The following MAST4 variants were observed in gnomAD, a reference collection of about 807,000 sequenced individuals.
MAST4 encodes microtubule-associated serine/threonine-protein kinase 4.
MAST4 carries 89 observed loss-of-function variants against 162.7 expected under a neutral mutation model. That is an observed-to-expected ratio of 0.55 (90% CI 0.46 to 0.65). The LOEUF is 0.65. MAST4 is among the 30% of genes least tolerant of loss of function. The pLI is 0.00. For missense variants in MAST4, 3,153 were observed against 3,374.0 expected (o/e 0.93, Z 1.62); for synonymous variants, 1,479 against 1,361.1 (o/e 1.09, Z -1.91).
chr5:66,967,642 T>C (rs1161220367), intron 4 of MAST4, among the ~76,000 whole-genome samples: 1 of 151,190 alleles, frequency 6.6e-6, no homozygotes, highest in Non-Finnish European at 1.5e-5. Context: ...TTAGACTACG[T>C]TATTCTCAAA....
At position 66,596,640 on chromosome 5, in the gene MAST4, TG is replaced by T; in HGVS notation, c.-13del. 7.0e-7 allele frequency: 1 copy of T among 1,428,744 alleles called. No homozygotes were observed. The allele number at this position is 1,428,744 out of a possible 1,614,324, so 88.5% of individuals were successfully genotyped here. On this transcript the variant is annotated 5_prime_UTR_variant, in exon 1 of 29. Transcript: ENST00000403625. ...CGCCCCCGCCGCTCGGGAGGCACTTTGGGCCAGACAGGGAAATGGGGGAGAA... is the reference window on the plus strand; with the variant it reads ...CGCCCCCGCCGCTCGGGAGGCACTTTGGCCAGACAGGGAAATGGGGGAGAA...
chr5:67,118,935 A>G (rs1362403696), intron 13 of MAST4, among the ~76,000 whole-genome samples, 186 bp downstream of exon 13: 5 of 152,230 alleles, frequency 3.3e-5, no homozygotes, highest in Non-Finnish European at 7.3e-5. Flanking sequence ...GATATTTGCC[A>G]TAGTCTGTCC....
At chr5:66,900,890 A>G (rs183010232) in intron 4 of MAST4, among the ~76,000 whole-genome samples, 1 of 152,084 alleles carries the variant, frequency 6.6e-6, no homozygotes, top group South Asian at 2.1e-4. Context: ...ATTACTGTCC[A>G]TTTTGCTTCC....
intron 14 of MAST4, among the ~76,000 whole-genome samples, chr5:67,128,562 A>G (rs1412302520): frequency 6.6e-6 from 1 of 152,252 alleles, no homozygotes; most frequent in Non-Finnish European, 1.5e-5. Context: ...GATGGGCATG[A>G]TGAAAAGACA....
intron 4 of MAST4, among the ~76,000 whole-genome samples, chr5:66,940,017 T>C (rs1306435446): frequency 2.6e-5 from 4 of 152,114 alleles, no homozygotes; most frequent in African/African-American, 7.2e-5. Flanking sequence ...CAGTGAGTTA[T>C]GATCATGCTC....
Position 66,837,894 on chromosome 5 carries a change from AT to A in MAST4, c.642+49123del, listed in dbSNP as rs754095073. ...TATATATATATATATATATATATATATTTTTTTTTTTTTTTTTTTTTTTAAT... is the reference window on the plus strand; with the variant it reads ...TATATATATATATATATATATATATATTTTTTTTTTTTTTTTTTTTTTAAT... On this transcript the variant is annotated intron_variant, in intron 3 of 28. Coordinates refer to ENST00000403625, the MANE Select transcript of MAST4 (RefSeq NM_001164664.2). 4.8e-3 allele frequency among the ~76,000 whole-genome samples: 260 copies of A among 53,618 alleles called. 2 individuals carry two copies. Among genetic ancestry groups the A allele is most frequent in the East Asian group, 0.023 (29 of 1,246 alleles). The allele number at this position is 53,618 out of a possible 152,430, so 35.2% of individuals were successfully genotyped here. A position where few individuals can be genotyped will look rare whatever the true frequency, so the allele number is the denominator to read the frequency against.
chr5:66,957,215 A>G (rs910523655), intron 4 of MAST4, among the ~76,000 whole-genome samples: 5 of 152,102 alleles, frequency 3.3e-5, no homozygotes, highest in Non-Finnish European at 7.4e-5. Context: ...ATTTTTTGTT[A>G]TAGGGTGGTA....
chr5:66,829,193 G>A (rs780546320), intron 3 of MAST4, among the ~76,000 whole-genome samples: 1 of 151,804 alleles, frequency 6.6e-6, no homozygotes, highest in African/African-American at 2.4e-5. Context: ...CTGGCATGCC[G>A]TCAAGTGTCT....
intron 4 of MAST4, among the ~76,000 whole-genome samples, chr5:67,048,239 G>T (rs1436129560): frequency 2.0e-5 from 3 of 152,054 alleles, no homozygotes; most frequent in African/African-American, 7.2e-5. Context: ...TAATTTTAGT[G>T]CATTTAGGAA....
chr5:66,886,136 A>G (rs79176932), intron 3 of MAST4, among the ~76,000 whole-genome samples: 1,780 of 152,322 alleles, frequency 0.012, 34 homozygotes, highest in African/African-American at 0.04. Context: ...CTGCCAGGCC[A>G]TGTACCTGAA....
chr5:67,162,459 T>C (rs1773300499), intron 27 of MAST4, 148 bp from the exon 28 acceptor site: 1 of 637,238 alleles, frequency 1.6e-6, no homozygotes, highest in Non-Finnish European at 2.7e-6. Flanking sequence ...AGGTTTCTAA[T>C]AGGAAAGTGG....
chr5:67,044,074 G>T (rs1326405633), intron 4 of MAST4, among the ~76,000 whole-genome samples: 1 of 152,216 alleles, frequency 6.6e-6, no homozygotes, highest in Non-Finnish European at 1.5e-5. Context: ...AGTTTTGAAT[G>T]ACTTTATACT....
chr5:67,048,364 G>C (rs891427965), intron 4 of MAST4, among the ~76,000 whole-genome samples: 4 of 152,146 alleles, frequency 2.6e-5, no homozygotes, highest in African/African-American at 9.7e-5. Flanking sequence ...GTAAGTTACA[G>C]AATATCTAAT....
chr5:66,650,784 C>A (rs1436596433), intron 1 of MAST4, among the ~76,000 whole-genome samples: 1 of 152,168 alleles, frequency 6.6e-6, no homozygotes, highest in Non-Finnish European at 1.5e-5. Flanking sequence ...ATGGAATACT[C>A]CACTTTAATA....
intron 4 of MAST4, among the ~76,000 whole-genome samples, chr5:66,919,874 C>T (rs994118391): frequency 2.6e-5 from 4 of 151,646 alleles, no homozygotes; most frequent in South Asian, 2.1e-4. Flanking sequence ...GGAACTCTTT[C>T]GCTCTCTTTC....
At chr5:67,145,475 G>A (rs1770971169) in intron 23 of MAST4, 96 bp downstream of exon 23, 4 of 967,336 alleles carry the variant, frequency 4.1e-6, no homozygotes. Context: ...CAGTAAAGAT[G>A]GGTGTTTTAT....
intron 1 of MAST4, among the ~76,000 whole-genome samples, chr5:66,645,627 A>G (rs921637647): frequency 6.6e-5 from 10 of 152,236 alleles, no homozygotes; most frequent in African/African-American, 2.4e-4. Flanking sequence ...AAATGTCTAC[A>G]TATACAGGGA....
At chr5:67,131,576 C>T (rs1407550708) in intron 15 of MAST4, among the ~76,000 whole-genome samples, 1 of 152,148 alleles carries the variant, frequency 6.6e-6, no homozygotes, top group Non-Finnish European at 1.5e-5. Flanking sequence ...AGTACAGTTT[C>T]ACTTCAGAGC....
chr5:66,852,866 G>A (rs147400254), intron 3 of MAST4, among the ~76,000 whole-genome samples: 45 of 152,272 alleles, frequency 3.0e-4, no homozygotes, highest in African/African-American at 9.1e-4. Context: ...CCTTTGGTGC[G>A]TGAAGAAAGA....
Sources: gnomAD v4.1 joint callset for allele counts (sites outside exome capture counted in the v4.1 genomes callset) on GRCh38, gnomAD v4.1.1 for gene constraint, MANE v1.5 for transcripts, NCBI Gene and HGNC (gene_info 2026-07-23, HGNC 2026-07-21) for gene names.